PCDH7: variants seen among roughly 807,000 people sequenced by gnomAD.
The protein encoded by PCDH7 is protocadherin 7, also known as protocadherin-7.
Under a neutral mutation model 58.9 loss-of-function variants are expected in PCDH7, and 17 were observed. That is an observed-to-expected ratio of 0.29 (90% CI 0.20 to 0.43). PCDH7 has a LOEUF of 0.43. Among genes scored for constraint, PCDH7 ranks in the 20% least tolerant of loss-of-function variants. PCDH7 has a pLI of 1.00. For synonymous variants in PCDH7, 664 were observed against 616.4 expected (o/e 1.08, Z -1.14); for missense variants, 1,274 against 1,441.0 (o/e 0.88, Z 1.88).
At chr4:31,095,469 A>G (rs1256915158) in intron 3 of PCDH7, among the ~76,000 whole-genome samples, 1 of 152,190 alleles carries the variant, frequency 6.6e-6, no homozygotes, top group Admixed American at 6.5e-5. Context: ...CTTATCAGAC[A>G]TCTGTACTTG....
chr4:30,899,151 A>C (rs911472917), intron 1 of PCDH7, among the ~76,000 whole-genome samples: 4 of 152,156 alleles, frequency 2.6e-5, no homozygotes, highest in African/African-American at 9.7e-5. Context: ...GATTAAAAAA[A>C]ATTGAAAGTC....
intron 3 of PCDH7, among the ~76,000 whole-genome samples, chr4:31,106,150 T>C (rs1715548627): frequency 6.6e-6 from 1 of 152,174 alleles, no homozygotes; most frequent in African/African-American, 2.4e-5. Context: ...AAAGTATGTT[T>C]AAGGCAGTCC....
At chr4:30,741,386 G>A (rs1026006511) in intron 1 of PCDH7, among the ~76,000 whole-genome samples, 1 of 151,746 alleles carries the variant, frequency 6.6e-6, no homozygotes, top group Admixed American at 6.6e-5. Context: ...TAGAGACAGG[G>A]TTTCGCCACG....
At chr4:31,030,133 T>TTGTGTGTGCA (rs1754773059) in intron 3 of PCDH7, among the ~76,000 whole-genome samples, 1 of 147,522 alleles carries the variant, frequency 6.8e-6, no homozygotes, top group Admixed American at 6.8e-5. Flanking sequence ...GTGTGTATGT[T>TTGTGTGTGCA]TGTGTGTGTG....
intron 3 of PCDH7, among the ~76,000 whole-genome samples, chr4:31,102,246 AT>A (rs1714985195): frequency 6.6e-6 from 1 of 151,920 alleles, no homozygotes; most frequent in Non-Finnish European, 1.5e-5. Context: ...CAAAGTAATA[AT>A]GTCACCTGGT....
chr4:30,825,714 G>C (rs1729020501), intron 1 of PCDH7, among the ~76,000 whole-genome samples: 1 of 152,148 alleles, frequency 6.6e-6, no homozygotes, highest in African/African-American at 2.4e-5. Context: ...GACCACAGTG[G>C]TTTAAGTGCT....
chr4:31,133,520 G>A (rs1362747769), intron 3 of PCDH7, among the ~76,000 whole-genome samples: 1 of 152,008 alleles, frequency 6.6e-6, no homozygotes, highest in Non-Finnish European at 1.5e-5. Flanking sequence ...TCTGTTCCTG[G>A]GTTTTATAAA....
At chr4:31,094,416 G>A (rs374887644) in intron 3 of PCDH7, among the ~76,000 whole-genome samples, 4 of 152,102 alleles carry the variant, frequency 2.6e-5, no homozygotes, top group South Asian at 2.1e-4. Flanking sequence ...TAACAAATCC[G>A]TGAAAGGCTG....
chr4:30,787,833 T>C (rs1458944437), intron 1 of PCDH7, among the ~76,000 whole-genome samples: 3 of 152,080 alleles, frequency 2.0e-5, no homozygotes, highest in Non-Finnish European at 4.4e-5. Flanking sequence ...TGCACTTTGG[T>C]TTGTTACCTA....
chr4:30,802,427 T>C (rs751959014), intron 1 of PCDH7, among the ~76,000 whole-genome samples: 10 of 151,698 alleles, frequency 6.6e-5, no homozygotes, highest in Non-Finnish European at 1.3e-4. Context: ...TTTTACAAAA[T>C]AGGAAAATTT....
chr4:30,911,788 A>G (rs1017752426), intron 1 of PCDH7, among the ~76,000 whole-genome samples: 1 of 152,176 alleles, frequency 6.6e-6, no homozygotes, highest in Non-Finnish European at 1.5e-5. Context: ...CTCATTTGCA[A>G]AATCAGAATA....
chr4:31,074,991 T>C (rs1364284709), intron 3 of PCDH7, among the ~76,000 whole-genome samples: 5 of 151,976 alleles, frequency 3.3e-5, no homozygotes, highest in Non-Finnish European at 7.4e-5. Context: ...ACAAAGTACT[T>C]ATTAAGGCTC....
downstream of PCDH7, among the ~76,000 whole-genome samples, chr4:30,735,360 G>A (rs1716104304): frequency 1.3e-5 from 2 of 152,042 alleles, no homozygotes; most frequent in Non-Finnish European, 2.9e-5. Flanking sequence ...AAGGTGAGGC[G>A]GGGCATATCT....
chr4:30,798,808 T>G (rs536601345), intron 1 of PCDH7, among the ~76,000 whole-genome samples: 2 of 152,170 alleles, frequency 1.3e-5, no homozygotes, highest in Admixed American at 6.5e-5. Context: ...GAACTAACTG[T>G]TCAAGTTATA....
intron 3 of PCDH7, among the ~76,000 whole-genome samples, chr4:31,081,273 C>T (rs1346702929): frequency 1.3e-5 from 2 of 152,152 alleles, no homozygotes; most frequent in African/African-American, 4.8e-5. Flanking sequence ...AGCAGACTTT[C>T]TAACATTTAG....
At chr4:30,933,365 G>A (rs1306413918) in intron 2 of PCDH7, among the ~76,000 whole-genome samples, 1 of 152,108 alleles carries the variant, frequency 6.6e-6, no homozygotes, top group African/African-American at 2.4e-5. Context: ...GATGAGGCTT[G>A]CAGAAACAAA....
intron 3 of PCDH7, among the ~76,000 whole-genome samples, chr4:30,963,230 G>T (rs1578427274): frequency 6.6e-6 from 1 of 152,124 alleles, no homozygotes; most frequent in Non-Finnish European, 1.5e-5. Flanking sequence ...AAAATAACAT[G>T]CTGTATGTTG....
intron 1 of PCDH7, among the ~76,000 whole-genome samples, chr4:30,908,097 T>C (rs970060392): frequency 3.3e-5 from 5 of 151,760 alleles, no homozygotes; most frequent in African/African-American, 1.2e-4. Flanking sequence ...CAGGGCCGGT[T>C]CGGGGGTGAG....
intron 1 of PCDH7, among the ~76,000 whole-genome samples, chr4:30,848,721 A>G (rs891692295): frequency 1.7e-4 from 26 of 152,106 alleles, no homozygotes; most frequent in Admixed American, 6.6e-5. Context: ...ATCTCTTAAC[A>G]TTTCCATTTA....
Sources: gnomAD v4.1 joint callset for allele counts (sites outside exome capture counted in the v4.1 genomes callset) on GRCh38, gnomAD v4.1.1 for gene constraint, MANE v1.5 for transcripts, NCBI Gene and HGNC (gene_info 2026-07-23, HGNC 2026-07-21) for gene names.